The following DCAF8 variants were observed in gnomAD, a reference collection of about 807,000 sequenced individuals.
DCAF8 encodes the protein DDB1 and CUL4 associated factor 8, also known as DDB1- and CUL4-associated factor 8.
DCAF8 carries 20 observed loss-of-function variants against 68.0 expected under a neutral mutation model. That is an observed-to-expected ratio of 0.29 (90% confidence interval 0.21 to 0.43). The LOEUF is 0.43. DCAF8 is among the 20% of genes least tolerant of loss of function. The pLI, the probability that DCAF8 is intolerant of heterozygous loss-of-function variation, is 1.00. For synonymous variants in DCAF8, 230 were observed against 276.9 expected (o/e 0.83, Z 1.68); for missense variants, 460 against 771.0 (o/e 0.60, Z 4.78).
At chr1:160,247,579 CT>C (rs1656395478) in intron 2 of DCAF8, among the ~76,000 whole-genome samples, 1 of 152,100 alleles carries the variant, frequency 6.6e-6, no homozygotes, top group Admixed American at 6.6e-5. Context: ...ACCCAAAATG[CT>C]TGGGGCCAGA....
intron 5 of DCAF8, 66 bp from the exon 6 acceptor site, chr1:160,237,295 CCTA>C: frequency 8.7e-7 from 1 of 1,146,244 alleles, no homozygotes; most frequent in Non-Finnish European, 1.2e-6. Context: ...CTAGTTCATT[CCTA>C]TAACTTTGGG....
At position 160,217,616 on chromosome 1, in the gene DCAF8, G is replaced by A. The variant is rs1175920047; in HGVS notation, c.1770C>T (p.Asp590=). ...SDTSDEEEGP[D]RVQCMPS The stretch of plus-strand genomic sequence containing the variant: ...CTCAAGATGGCATGCACTGCACCCG[G>A]TCAGGGCCCTCCTCCTCGTCCGATG... The change falls in exon 14 of 14, where the codon GAC becomes GAT. Residue 590 remains aspartate, a synonymous_variant. Coordinates refer to ENST00000368074, the MANE Select transcript of DCAF8 (RefSeq NM_015726.4). 3 of 1,613,908 alleles carry A rather than the reference G, an allele frequency of 1.9e-6. No individual in the cohort carries two copies. Among genetic ancestry groups the A allele is most frequent in the Non-Finnish European group, 2.5e-6 (3 of 1,179,934 alleles).
At chr1:160,224,344 A>T in intron 10 of DCAF8, 98 bp downstream of exon 10, 1 of 858,642 alleles carries the variant, frequency 1.2e-6, no homozygotes, top group Non-Finnish European at 1.9e-6. Flanking sequence ...CCATGGCAAC[A>T]CAGGCAGGTA....
rs1212086149 is a variant in DCAF8 at position 160,251,169 on chromosome 1, AATT to A, written c.-26-7138_-26-7136del. ...GAAGAAGGTGATAAGAAAATACTTC[AATT>A]ATTATTAAGACAGAGAGCCACACAG... On this transcript the variant is annotated intron_variant, in intron 2 of 13. Coordinates refer to ENST00000368074, the MANE Select transcript of DCAF8 (RefSeq NM_015726.4). Among the ~76,000 whole-genome samples the A allele has an allele frequency of 3.3e-5, 5 of 152,154 alleles. No individual in the cohort carries two copies. The East Asian group carries it at 7.7e-4, about 23-fold the overall frequency.
chr1:160,236,005 C>G (rs1001528712), intron 6 of DCAF8, among the ~76,000 whole-genome samples: 2 of 152,172 alleles, frequency 1.3e-5, no homozygotes, highest in Non-Finnish European at 2.9e-5. Flanking sequence ...TCCCAAAGTG[C>G]TGGGATTACA....
chr1:160,217,512 T>C lies in DCAF8; in HGVS notation c.*80A>G. ...AAGTCCAAAGTGCGTTTCTGCTGAATGTAGGGCCTGGGACAGGAAAGGGTT... is the reference window on the plus strand; with the variant it reads ...AAGTCCAAAGTGCGTTTCTGCTGAACGTAGGGCCTGGGACAGGAAAGGGTT... On this transcript the variant is annotated 3_prime_UTR_variant, in exon 14 of 14. Coordinates refer to ENST00000368074, the MANE Select transcript of DCAF8 (RefSeq NM_015726.4). The C allele has an allele frequency of 9.6e-7, 1 of 1,039,044 alleles. No individual in the cohort carries two copies. The highest frequency in any genetic ancestry group is 2.1e-5 in the Admixed American group (1 of 46,644). The allele number at this position is 1,039,044 out of a possible 1,614,324, so 64.4% of individuals were successfully genotyped here.
At chr1:160,231,867 G>T (rs1285170293) in intron 6 of DCAF8, among the ~76,000 whole-genome samples, 1 of 152,158 alleles carries the variant, frequency 6.6e-6, no homozygotes, top group Non-Finnish European at 1.5e-5. Flanking sequence ...AAGACCTTAA[G>T]GTCAGAGACT....
Position 160,234,597 on chromosome 1 carries a change from C to T in DCAF8, c.959+2538G>A, listed in dbSNP as rs77447084. On this transcript the variant is annotated intron_variant, in intron 6 of 13. Transcript: ENST00000368074. ...GTAGTTTCCCTCTGAACCTGATCCA[C>T]AGGATAAGATCTCACTCTGTTTCAC... Among the ~76,000 whole-genome samples the T allele has an allele frequency of 5.2e-3, 793 of 152,330 alleles. 7 individuals are homozygous for T. Among genetic ancestry groups the T allele is most frequent in the African/African-American group, 0.018 (729 of 41,586 alleles).
chr1:160,230,071 GGAAACGAATTTT>G, intron 7 of DCAF8, among the ~76,000 whole-genome samples: 2 of 152,164 alleles, frequency 1.3e-5, no homozygotes, highest in East Asian at 3.9e-4. Context: ...GGTGACTAGA[GGAAACGAATTTT>G]GAAGGCATGG....
intron 2 of DCAF8, among the ~76,000 whole-genome samples, chr1:160,258,183 C>T (rs1656915000): frequency 6.6e-6 from 1 of 151,912 alleles, no homozygotes; most frequent in Admixed American, 6.6e-5. Flanking sequence ...CTCATCTTTA[C>T]AAAAAATACA....
chr1:160,217,748 G>T, intron 13 of DCAF8, 40 bp from the exon 14 acceptor site: 1 of 1,522,902 alleles, frequency 6.6e-7, no homozygotes, highest in Non-Finnish European at 9.1e-7. Context: ...TCCCTGGATG[G>T]AACAAGGACA....
intron 2 of DCAF8, among the ~76,000 whole-genome samples, chr1:160,253,418 C>T (rs1212314179): frequency 1.3e-5 from 2 of 151,806 alleles, no homozygotes; most frequent in African/African-American, 2.4e-5. Context: ...GAGGCTGAGG[C>T]GGGTGGATCA....
Position 160,222,784 on chromosome 1 carries a change from G to A in DCAF8, c.1310-3C>T. The A allele has an allele frequency of 6.2e-7, 1 of 1,614,132 alleles. No homozygotes were observed. Among genetic ancestry groups the A allele is most frequent in the South Asian group, 1.1e-5 (1 of 91,086 alleles). On this transcript the variant is annotated splice_polypyrimidine_tract_variant and splice_region_variant and intron_variant, in intron 10 of 13. Coordinates refer to ENST00000368074, the MANE Select transcript of DCAF8 (RefSeq NM_015726.4). ...GCCATAGAAATTGACGCCTTTTACTGAAATGATAAATGAGGGAAGAAACCA... is the reference window on the plus strand; with the variant it reads ...GCCATAGAAATTGACGCCTTTTACTAAAATGATAAATGAGGGAAGAAACCA...
chr1:160,252,133 T>C (rs1160107686), intron 2 of DCAF8, among the ~76,000 whole-genome samples: 1 of 152,202 alleles, frequency 6.6e-6, no homozygotes, highest in Non-Finnish European at 1.5e-5. Flanking sequence ...CAGTGGCCTA[T>C]GTGTAAGCAA....
intron 3 of DCAF8, among the ~76,000 whole-genome samples, chr1:160,242,471 A>G (rs763758199): frequency 2.0e-5 from 3 of 152,206 alleles, no homozygotes; most frequent in Non-Finnish European, 4.4e-5. Flanking sequence ...GGTCTGTAGA[A>G]AAGAAAAAAT....
At chr1:160,223,778 G>C (rs540176052) in intron 10 of DCAF8, among the ~76,000 whole-genome samples, 2 of 152,276 alleles carry the variant, frequency 1.3e-5, no homozygotes, top group South Asian at 4.1e-4. Flanking sequence ...TGCACCTGTA[G>C]TCCCAGCTAC....
At chr1:160,228,993 T>A (rs1655573113) in intron 7 of DCAF8, among the ~76,000 whole-genome samples, 1 of 152,056 alleles carries the variant, frequency 6.6e-6, no homozygotes, top group Non-Finnish European at 1.5e-5. Context: ...TTGTGTAGGA[T>A]CAGCGTGCCT....
In DCAF8 at chr1:160,262,540, C is replaced by T. The variant is rs1325920945; in HGVS notation, c.-192G>A. On this transcript the variant is annotated 5_prime_UTR_variant, in exon 1 of 14. Coordinates refer to ENST00000368074, the MANE Select transcript of DCAF8 (RefSeq NM_015726.4). ...CCGGCCCCGTTTGCGACGATGTGCT[C>T]GAGAAGACTGAGGGAAGAGTGGTCG... The T allele has an allele frequency of 2.5e-6, 1 of 398,922 alleles. No individual in the cohort carries two copies. The highest frequency in any genetic ancestry group is 4.4e-6 in the Non-Finnish European group (1 of 226,060). 24.7% of individuals were successfully genotyped at this position (398,922 alleles called of 1,614,324 possible).
At chr1:160,259,094 TG>T (rs1238148524) in intron 2 of DCAF8, among the ~76,000 whole-genome samples, 1 of 152,234 alleles carries the variant, frequency 6.6e-6, no homozygotes, top group Admixed American at 6.5e-5. Context: ...CTGGTCTGAA[TG>T]ACACAGCTGC....
Sources: allele counts gnomAD v4.1 joint callset (sites outside exome capture counted in the v4.1 genomes callset), GRCh38; gene constraint gnomAD v4.1.1; transcripts MANE v1.5; gene names NCBI Gene and HGNC (gene_info 2026-07-23, HGNC 2026-07-21).